NRG3: variants seen among roughly 807,000 people sequenced by gnomAD.
NRG3 encodes pro-neuregulin-3, membrane-bound isoform.
A neutral mutation model predicts 66.9 loss-of-function variants in NRG3; 31 were observed. The observed-to-expected ratio is 0.46, with a 90% confidence interval of 0.35 to 0.63. The LOEUF (loss-of-function observed/expected upper bound fraction) is 0.63. Ranked by LOEUF, NRG3 falls within the 20% of genes least tolerant of loss-of-function variation. The probability of loss-of-function intolerance (pLI) is 0.00; values close to 1 mark genes in which losing one functional copy is unlikely to be tolerated. For missense variants in NRG3, 910 were observed against 878.9 expected (o/e 1.04, Z -0.45); for synonymous variants, 393 against 359.4 (o/e 1.09, Z -1.06).
In NRG3 at chr10:82,847,325, G is replaced by A. The variant is rs1040853015; in HGVS notation, c.1028-18086G>A. Among the ~76,000 whole-genome samples the A allele has an allele frequency of 5.9e-5, 9 of 152,190 alleles. No homozygotes were observed. The South Asian group carries it at 6.2e-4, about 10-fold the overall frequency. On this transcript the variant is annotated intron_variant, in intron 3 of 8. Coordinates refer to ENST00000372141, the MANE Select transcript of NRG3 (RefSeq NM_001010848.4). The stretch of plus-strand genomic sequence containing the variant: ...AAAATTCAGGATTTTAGTTGGCTAC[G>A]TTGACACTTTGAATAGATGTGGTAC...
At chr10:82,059,572 T>C (rs1411941298) in intron 1 of NRG3, among the ~76,000 whole-genome samples, 2 of 152,178 alleles carry the variant, frequency 1.3e-5, no homozygotes, top group Non-Finnish European at 2.9e-5. Context: ...TAGATATCTA[T>C]TGAATAACAA....
chr10:82,754,613 T>C (rs2059006032), intron 3 of NRG3, among the ~76,000 whole-genome samples: 2 of 151,746 alleles, frequency 1.3e-5, no homozygotes, highest in African/African-American at 2.4e-5. Flanking sequence ...ATTTTTTTCA[T>C]AGCCAGGAAA....
At chr10:82,004,985 C>T (rs1374308958) in intron 1 of NRG3, among the ~76,000 whole-genome samples, 3 of 152,178 alleles carry the variant, frequency 2.0e-5, no homozygotes, top group East Asian at 1.9e-4. Flanking sequence ...TACATACTGT[C>T]ATGCTTGTTA....
At chr10:81,913,437 T>C (rs946520230) in intron 1 of NRG3, among the ~76,000 whole-genome samples, 1 of 151,968 alleles carries the variant, frequency 6.6e-6, no homozygotes, top group Non-Finnish European at 1.5e-5. Context: ...TTTTTTTTTT[T>C]CTTTGAGACA....
intron 1 of NRG3, among the ~76,000 whole-genome samples, chr10:82,110,994 A>C (rs1395104247): frequency 6.6e-6 from 1 of 152,168 alleles, no homozygotes; most frequent in East Asian, 1.9e-4. Flanking sequence ...GGATTATAGG[A>C]ATTCTCTGTT....
chr10:82,746,916 A>G (rs1034508894), intron 3 of NRG3, among the ~76,000 whole-genome samples: 3 of 151,908 alleles, frequency 2.0e-5, no homozygotes, highest in Non-Finnish European at 4.4e-5. Context: ...TTGTTTCTAG[A>G]CAAAAAAATA....
chr10:82,294,327 G>A (rs1474345524), intron 1 of NRG3, among the ~76,000 whole-genome samples: 1 of 152,234 alleles, frequency 6.6e-6, no homozygotes, highest in African/African-American at 2.4e-5. Flanking sequence ...TAAATGGAAA[G>A]CATTGAGTCT....
intron 2 of NRG3, among the ~76,000 whole-genome samples, chr10:82,722,102 C>T (rs1234339838): frequency 6.6e-6 from 1 of 152,112 alleles, no homozygotes; most frequent in Non-Finnish European, 1.5e-5. Flanking sequence ...TAAGTCTTTG[C>T]TTTTTAAGAG....
At chr10:82,869,913 G>T (rs113611764) in intron 4 of NRG3, among the ~76,000 whole-genome samples, 1 of 135,884 alleles carries the variant, frequency 7.4e-6, no homozygotes, top group Non-Finnish European at 1.6e-5. Context: ...TGGCCCCACT[G>T]GTCTTTTTAC....
At chr10:82,190,494 G>A (rs1000255358) in intron 1 of NRG3, among the ~76,000 whole-genome samples, 2 of 152,120 alleles carry the variant, frequency 1.3e-5, no homozygotes, top group African/African-American at 4.8e-5. Context: ...TTGCCACATT[G>A]CTATAGAAAT....
At chr10:82,641,815 G>T (rs2050603373) in intron 2 of NRG3, among the ~76,000 whole-genome samples, 1 of 151,976 alleles carries the variant, frequency 6.6e-6, no homozygotes, top group South Asian at 2.1e-4. Context: ...AAGGAAAGAA[G>T]AAGGTTTTAT....
intron 1 of NRG3, among the ~76,000 whole-genome samples, chr10:82,107,214 T>C (rs561151404): frequency 6.6e-6 from 1 of 152,332 alleles, no homozygotes; most frequent in East Asian, 1.9e-4. Flanking sequence ...CCAATGAACA[T>C]TTCCTTTTAA....
Position 82,627,232 on chromosome 10 carries a change from G to A in NRG3, c.954-111345G>A, listed in dbSNP as rs557842738. Among the ~76,000 whole-genome samples the A allele has an allele frequency of 3.3e-5, 5 of 152,172 alleles. No homozygotes were observed. In the East Asian group the frequency reaches 9.7e-4, roughly 30 times the overall value. ...TCCAGCACATTTTCTTCAGGGCATG[G>A]AGGCTGAAAATGCCTGACTTCTCCA... On this transcript the variant is annotated intron_variant, in intron 2 of 8. Coordinates refer to ENST00000372141, the MANE Select transcript of NRG3 (RefSeq NM_001010848.4).
At chr10:82,631,302 T>A (rs1269435615) in intron 2 of NRG3, among the ~76,000 whole-genome samples, 1 of 152,172 alleles carries the variant, frequency 6.6e-6, no homozygotes, top group Non-Finnish European at 1.5e-5. Flanking sequence ...GCCGTCTTGC[T>A]AGATGATCAT....
intron 1 of NRG3, among the ~76,000 whole-genome samples, chr10:81,934,346 C>T (rs978174272): frequency 2.0e-5 from 3 of 152,140 alleles, no homozygotes; most frequent in African/African-American, 7.2e-5. Context: ...CATTAAACAC[C>T]GTGGTGGTTC....
chr10:82,350,977 C>G (rs1419472951), intron 1 of NRG3, among the ~76,000 whole-genome samples: 2 of 151,862 alleles, frequency 1.3e-5, no homozygotes, highest in Non-Finnish European at 2.9e-5. Context: ...CTGCAAGCTC[C>G]GCCTCCTGGG....
intron 2 of NRG3, among the ~76,000 whole-genome samples, chr10:82,659,239 A>G (rs781215864): frequency 6.6e-6 from 1 of 152,270 alleles, no homozygotes; most frequent in Non-Finnish European, 1.5e-5. Context: ...CATCATTAAA[A>G]TATTTCACAG....
intron 4 of NRG3, among the ~76,000 whole-genome samples, chr10:82,874,114 C>T (rs1433747659): frequency 1.3e-5 from 2 of 151,780 alleles, no homozygotes; most frequent in African/African-American, 4.8e-5. Context: ...TAGAATATTA[C>T]TTCAAACTTG....
At chr10:82,540,246 A>AG (rs555225737) in intron 2 of NRG3, among the ~76,000 whole-genome samples, 1 of 151,580 alleles carries the variant, frequency 6.6e-6, no homozygotes, top group Non-Finnish European at 1.5e-5. Context: ...AAAAAAAAAA[A>AG]TTGTCCCAAT....
Sources: allele counts gnomAD v4.1 joint callset (sites outside exome capture counted in the v4.1 genomes callset), GRCh38; gene constraint gnomAD v4.1.1; transcripts MANE v1.5; gene names NCBI Gene and HGNC (gene_info 2026-07-23, HGNC 2026-07-21).